Variants in ENY2 observed in about 807,000 individuals in gnomAD.
The protein encoded by ENY2 is transcription and mRNA export factor ENY2.
A neutral mutation model predicts 15.9 loss-of-function variants in ENY2; 4 were observed. The observed-to-expected ratio is 0.25, with a 90% confidence interval of 0.12 to 0.57. The LOEUF (loss-of-function observed/expected upper bound fraction) is 0.57. ENY2 is among the 20% of genes least tolerant of loss of function. The pLI is 0.91. For synonymous variants in ENY2, 48 were observed against 38.0 expected (o/e 1.26, Z -0.97); for missense variants, 54 against 117.2 (o/e 0.46, Z 2.49).
chr8:109,340,773 G>C, intron 4 of ENY2: 1 of 509,972 alleles, frequency 2.0e-6, no homozygotes, highest in Non-Finnish European at 3.5e-6. Flanking sequence ...CTCTAGAACA[G>C]TGCACCAATG....
chr8:109,334,598 G>A, intron 1 of ENY2, 124 bp downstream of exon 1: 1 of 1,233,794 alleles, frequency 8.1e-7, no homozygotes. Flanking sequence ...CCGACAGGGC[G>A]TGCTACCGGA....
intron 1 of ENY2, 131 bp downstream of exon 1, chr8:109,334,605 C>T (rs918076203): frequency 1.8e-6 from 2 of 1,142,386 alleles, no homozygotes; most frequent in Non-Finnish European, 2.4e-6. Context: ...GGCGTGCTAC[C>T]GGAGTTGGCC....
intron 2 of ENY2, chr8:109,336,653 A>G (rs921492128): frequency 6.5e-6 from 1 of 154,984 alleles, no homozygotes; most frequent in African/African-American, 2.4e-5. Context: ...TGTCTCTTCA[A>G]GGAATGTTTT....
intron 3 of ENY2, 86 bp downstream of exon 3, chr8:109,339,476 G>C: frequency 1.9e-6 from 2 of 1,070,988 alleles, no homozygotes; most frequent in Non-Finnish European, 2.8e-6. Flanking sequence ...GGTATATTGA[G>C]TATTCAAGCA....
chr8:109,335,379 T>G (rs1013633787), intron 1 of ENY2: 2 of 151,178 alleles, frequency 1.3e-5, no homozygotes, highest in African/African-American at 4.9e-5. Context: ...TTTTTTTTTT[T>G]TGAGACAGAG....
chr8:109,337,761 G>A (rs1455812611), intron 2 of ENY2, among the ~76,000 whole-genome samples: 1 of 152,110 alleles, frequency 6.6e-6, no homozygotes, highest in African/African-American at 2.4e-5. Context: ...AATTAGCCAT[G>A]CATGGTGATG....
intron 4 of ENY2, chr8:109,342,952 C>T (rs958177346): frequency 7.0e-5 from 34 of 489,166 alleles, no homozygotes; most frequent in Non-Finnish European, 1.1e-4. Flanking sequence ...GTTCATGTTT[C>T]TATTAGCCTT....
chr8:109,334,558 C>T, intron 1 of ENY2, 84 bp downstream of exon 1: 1 of 1,494,850 alleles, frequency 6.7e-7, no homozygotes, highest in South Asian at 1.3e-5. Context: ...TTAGCGTCCC[C>T]GACCCGCGCT....
At position 109,345,862 on chromosome 8, in the gene ENY2, C is replaced by T. The variant is rs1291063335; in HGVS notation, c.*2381C>T. 6.6e-6 allele frequency: 1 copy of T among 152,158 alleles called. No individual in the cohort carries two copies. Among genetic ancestry groups the T allele is most frequent in the Non-Finnish European group, 1.5e-5 (1 of 68,020 alleles). 9.4% of individuals were successfully genotyped at this position (152,158 alleles called of 1,614,324 possible). ...TGCTGAGAACTCCCCACCTCTACCC[C>T]ACCACCTGTAGGCTTCTTTGACAAC... is the stretch of plus-strand genomic sequence containing the variant. On this transcript the variant is annotated 3_prime_UTR_variant, in exon 5 of 5. Coordinates refer to ENST00000521688, the MANE Select transcript of ENY2 (RefSeq NM_020189.6).
At chr8:109,341,250 A>G (rs1244764716) in intron 4 of ENY2, among the ~76,000 whole-genome samples, 1 of 152,176 alleles carries the variant, frequency 6.6e-6, no homozygotes, top group Non-Finnish European at 1.5e-5. Context: ...TAGATGGCCC[A>G]AGTTGTTTTC....
chr8:109,339,230 AT>A, intron 2 of ENY2, 89 bp from the exon 3 acceptor site: 5 of 1,222,562 alleles, frequency 4.1e-6, no homozygotes, highest in Non-Finnish European at 5.9e-6. Context: ...AAGGCAGGGA[AT>A]TTTTAGTTGA....
chr8:109,342,180 A>G lies in ENY2; in HGVS notation c.230-1225A>G, dbSNP rs181249023. Among the ~76,000 whole-genome samples, 718 of 129,590 alleles carry G rather than the reference A, an allele frequency of 5.5e-3. 8 individuals are homozygous for G. Among genetic ancestry groups the G allele is most frequent in the African/African-American group, 0.019 (688 of 35,414 alleles). 85.0% of individuals were successfully genotyped at this position (129,590 alleles called of 152,430 possible). The stretch of plus-strand genomic sequence containing the variant: ...AACCCCCCCCTTTTTTTTTTTTTGC[A>G]TTTATGGTTTAATATTCTGAATAGA... On this transcript the variant is annotated intron_variant, in intron 4 of 4. Coordinates refer to ENST00000521688, the MANE Select transcript of ENY2 (RefSeq NM_020189.6).
intron 4 of ENY2, chr8:109,342,925 T>C: frequency 2.0e-6 from 1 of 494,298 alleles, no homozygotes; most frequent in Non-Finnish European, 3.6e-6. Flanking sequence ...AAAACTCTCC[T>C]TTTCTTCATC....
At chr8:109,341,607 C>T (rs1563692838) in intron 4 of ENY2, among the ~76,000 whole-genome samples, 2 of 152,092 alleles carry the variant, frequency 1.3e-5, no homozygotes, top group South Asian at 2.1e-4. Context: ...GCTTCTCCTT[C>T]GATACTTAAA....
At chr8:109,340,240 T>C in intron 3 of ENY2, 1 of 461,578 alleles carries the variant, frequency 2.2e-6, no homozygotes, top group Non-Finnish European at 3.9e-6. Flanking sequence ...AATATTACAG[T>C]CTAAATTTAT....
chr8:109,342,709 G>T (rs1373404857), intron 4 of ENY2: 6 of 697,754 alleles, frequency 8.6e-6, no homozygotes, highest in Non-Finnish European at 1.3e-5. Flanking sequence ...TCGCCATGTT[G>T]CCCAGGCTGG....
intron 2 of ENY2, among the ~76,000 whole-genome samples, chr8:109,337,002 G>C (rs1054675026): frequency 6.6e-6 from 1 of 151,478 alleles, no homozygotes; most frequent in South Asian, 2.1e-4. Flanking sequence ...AGGTGATCAT[G>C]TAAGATCTCA....
chr8:109,340,530 G>A lies in ENY2; in HGVS notation c.196G>A (p.Asp66Asn), dbSNP rs752705394. 6.2e-7 allele frequency: 1 copy of A among 1,613,370 alleles called. No homozygotes were observed. The highest frequency in any genetic ancestry group is 1.3e-5 in the African/African-American group (1 of 74,888). The change falls in exon 4 of 5, where the codon GAC becomes AAC. Residue 66 changes from aspartate to asparagine, a missense_variant. Coordinates refer to ENST00000521688, the MANE Select transcript of ENY2 (RefSeq NM_020189.6). The part of the protein sequence containing the change: ...EKGLEHVTVD[D>N]LVAEITPKGR... ...AGGACTAGAACACGTTACTGTTGATGACTTGGTGGCTGAAATCACTCCAAA... is the reference window on the plus strand; with the variant it reads ...AGGACTAGAACACGTTACTGTTGATAACTTGGTGGCTGAAATCACTCCAAA...
Position 109,345,514 on chromosome 8 carries a change from C to G in ENY2, c.*2033C>G, listed in dbSNP as rs1030517065. 1 of 152,096 alleles carries G rather than the reference C, an allele frequency of 6.6e-6. No homozygotes were observed. Among genetic ancestry groups the G allele is most frequent in the African/African-American group, 2.4e-5 (1 of 41,412 alleles). 9.4% of individuals were successfully genotyped at this position (152,096 alleles called of 1,614,324 possible). A position where few individuals can be genotyped will look rare whatever the true frequency, so the allele number is the denominator to read the frequency against. ...TAAGCACACAATCACAAAACCTACC[C>G]AAACAAGTTTTTTGTTTCACTTCAT... On this transcript the variant is annotated 3_prime_UTR_variant, in exon 5 of 5. Transcript: ENST00000521688.
Sources: allele counts gnomAD v4.1 joint callset (sites outside exome capture counted in the v4.1 genomes callset), GRCh38; gene constraint gnomAD v4.1.1; transcripts MANE v1.5; gene names NCBI Gene and HGNC (gene_info 2026-07-23, HGNC 2026-07-21).